GRID2: variants seen among roughly 807,000 people sequenced by gnomAD.
The protein encoded by GRID2 is glutamate receptor ionotropic, delta-2.
A neutral mutation model predicts 114.8 loss-of-function variants in GRID2; 33 were observed. The ratio of observed to expected loss-of-function variants is 0.29; its 90% CI spans 0.22 to 0.38. The LOEUF (loss-of-function observed/expected upper bound fraction) is 0.38, where lower values mean the gene tolerates loss of function less well. GRID2 is among the 10% of genes least tolerant of loss of function. The probability of loss-of-function intolerance (pLI) is 1.00; values close to 1 mark genes in which losing one functional copy is unlikely to be tolerated. For missense variants in GRID2, 1,184 were observed against 1,257.7 expected, an observed-to-expected ratio of 0.94 and a Z score of 0.89; for synonymous variants, 505 against 449.9, an observed-to-expected ratio of 1.12 and a Z score of -1.55.
intron 8 of GRID2, among the ~76,000 whole-genome samples, chr4:93,321,973 T>C (rs1340641706): frequency 2.6e-5 from 4 of 151,908 alleles, no homozygotes; most frequent in Non-Finnish European, 5.9e-5. Context: ...GATTTATCCA[T>C]AAGTTTAATA....
intron 2 of GRID2, among the ~76,000 whole-genome samples, chr4:92,593,414 G>A (rs1177852493): frequency 1.3e-5 from 2 of 151,966 alleles, no homozygotes; most frequent in East Asian, 3.9e-4. Context: ...ATAAGAGAGA[G>A]GAATTCAGTG....
chr4:93,586,375 CT>C (rs1413142961), intron 13 of GRID2, among the ~76,000 whole-genome samples: 1 of 152,048 alleles, frequency 6.6e-6, no homozygotes, highest in African/African-American at 2.4e-5. Flanking sequence ...ACAGTAAGAC[CT>C]AATCTGTCTC....
chr4:92,455,377 A>G (rs1721157556), intron 1 of GRID2, among the ~76,000 whole-genome samples: 1 of 152,140 alleles, frequency 6.6e-6, no homozygotes, highest in African/African-American at 2.4e-5. Context: ...AATACTCTGT[A>G]TACCCCAAAC....
At chr4:93,571,115 A>G (rs1351226227) in intron 13 of GRID2, among the ~76,000 whole-genome samples, 1 of 152,156 alleles carries the variant, frequency 6.6e-6, no homozygotes, top group Non-Finnish European at 1.5e-5. Context: ...CTGAAAGAAG[A>G]CTAGGAATTA....
intron 14 of GRID2, among the ~76,000 whole-genome samples, chr4:93,754,287 C>T (rs879848934): frequency 2.3e-4 from 35 of 152,144 alleles, no homozygotes; most frequent in African/African-American, 7.2e-4. Flanking sequence ...TATTGGGTCA[C>T]AGTACAAGTC....
chr4:93,455,517 GA>G, intron 10 of GRID2, 144 bp from the exon 11 acceptor site: 1 of 610,748 alleles, frequency 1.6e-6, no homozygotes, highest in East Asian at 2.8e-5. Flanking sequence ...TCTTCTGTAA[GA>G]AGTCTATGCA....
intron 2 of GRID2, among the ~76,000 whole-genome samples, chr4:92,923,250 A>T (rs779505437): frequency 6.6e-6 from 1 of 152,154 alleles, no homozygotes; most frequent in Non-Finnish European, 1.5e-5. Flanking sequence ...GATGTTTGTA[A>T]GTTTTTTATC....
chr4:93,208,256 A>G (rs1258432385), intron 5 of GRID2, among the ~76,000 whole-genome samples: 1 of 152,008 alleles, frequency 6.6e-6, no homozygotes, highest in Non-Finnish European at 1.5e-5. Context: ...TTTGGATAAG[A>G]ATCCTGGTTT....
At chr4:92,450,144 G>A (rs1720826670) in intron 1 of GRID2, among the ~76,000 whole-genome samples, 1 of 151,960 alleles carries the variant, frequency 6.6e-6, no homozygotes, top group Non-Finnish European at 1.5e-5. Context: ...AGTAGTTTTA[G>A]TCATTAAAAA....
chr4:93,336,849 T>G (rs1759141767), intron 8 of GRID2, among the ~76,000 whole-genome samples: 1 of 152,132 alleles, frequency 6.6e-6, no homozygotes, highest in Non-Finnish European at 1.5e-5. Context: ...AGTTTTCTAT[T>G]TCTTTGTTTG....
intron 14 of GRID2, among the ~76,000 whole-genome samples, chr4:93,733,652 C>T (rs932828567): frequency 2.0e-5 from 3 of 152,052 alleles, no homozygotes; most frequent in Non-Finnish European, 4.4e-5. Flanking sequence ...CATTTCAGTG[C>T]TTGAGTTTTG....
Position 92,582,202 on chromosome 4 carries a change from A to G in GRID2, c.89-7929A>G, listed in dbSNP as rs549962275. 2.0e-5 allele frequency among the ~76,000 whole-genome samples: 3 copies of G among 151,872 alleles called. No individual in the cohort carries two copies. In the East Asian group the frequency reaches 5.8e-4, roughly 29 times the overall value. On this transcript the variant is annotated intron_variant, in intron 1 of 15. Transcript: ENST00000282020. ...AAGTCAATAACTTTATATATTTTATACAATTTTTATTTTATATTTTATTGT... is the reference window on the plus strand; with the variant it reads ...AAGTCAATAACTTTATATATTTTATGCAATTTTTATTTTATATTTTATTGT...
chr4:93,095,814 A>G (rs1366564093), intron 3 of GRID2, among the ~76,000 whole-genome samples: 4 of 152,010 alleles, frequency 2.6e-5, no homozygotes, highest in Non-Finnish European at 2.9e-5. Flanking sequence ...TAAGATATCC[A>G]TTTTTCATAA....
intron 1 of GRID2, among the ~76,000 whole-genome samples, chr4:93,800,627 G>T (rs972916007): frequency 6.6e-6 from 1 of 152,076 alleles, no homozygotes; most frequent in African/African-American, 2.4e-5. Flanking sequence ...TTATCAAAAA[G>T]TTTTTATGTT....
intron 2 of GRID2, among the ~76,000 whole-genome samples, chr4:92,674,054 C>A (rs1172484418): frequency 6.6e-6 from 1 of 152,086 alleles, no homozygotes; most frequent in South Asian, 2.1e-4. Flanking sequence ...CTGTTTATTA[C>A]AAGCTACTTT....
At chr4:92,371,466 G>A (rs899479918) in intron 1 of GRID2, among the ~76,000 whole-genome samples, 3 of 151,976 alleles carry the variant, frequency 2.0e-5, no homozygotes, top group East Asian at 3.9e-4. Context: ...AAATCCTAGG[G>A]GTCTTAAGAA....
intron 2 of GRID2, among the ~76,000 whole-genome samples, chr4:92,757,814 A>T (rs910729401): frequency 1.5e-4 from 23 of 151,938 alleles, no homozygotes; most frequent in Admixed American, 1.5e-3. Flanking sequence ...AGCCGTCTAC[A>T]TAATACTGCC....
intron 8 of GRID2, among the ~76,000 whole-genome samples, chr4:93,322,365 A>T (rs1344559921): frequency 6.6e-6 from 1 of 152,134 alleles, no homozygotes; most frequent in Non-Finnish European, 1.5e-5. Context: ...GTCCTTACAA[A>T]GGACATGAAC....
At chr4:92,404,816 T>C (rs1730949583) in intron 1 of GRID2, among the ~76,000 whole-genome samples, 1 of 151,992 alleles carries the variant, frequency 6.6e-6, no homozygotes. Flanking sequence ...CATTTAAAAG[T>C]GGAAGCTGAA....
Sources: allele counts gnomAD v4.1 joint callset (sites outside exome capture counted in the v4.1 genomes callset), GRCh38; gene constraint gnomAD v4.1.1; transcripts MANE v1.5; gene names NCBI Gene and HGNC (gene_info 2026-07-23, HGNC 2026-07-21).